The following MBNL1 variants were observed in gnomAD, a reference collection of about 807,000 sequenced individuals.
MBNL1 encodes muscleblind like splicing regulator 1.
MBNL1 carries 8 observed loss-of-function variants against 42.2 expected under a neutral mutation model. That is an observed-to-expected ratio of 0.19 (90% CI 0.11 to 0.34). The LOEUF (loss-of-function observed/expected upper bound fraction) is 0.34, where lower values mean the gene tolerates loss of function less well. Ranked by LOEUF, MBNL1 falls within the 10% of genes least tolerant of loss-of-function variation. MBNL1 has a pLI of 1.00. For missense variants in MBNL1, 309 were observed against 495.3 expected (o/e 0.62, Z 3.57); for synonymous variants, 169 against 173.9 (o/e 0.97, Z 0.22).
At chr3:152,446,471 T>A (rs2153837715) in intron 5 of MBNL1, among the ~76,000 whole-genome samples, 1 of 152,300 alleles carries the variant, frequency 6.6e-6, no homozygotes, top group Admixed American at 6.5e-5. Flanking sequence ...TGTAATTAAC[T>A]ACAAAGAGGA....
intron 3 of MBNL1, among the ~76,000 whole-genome samples, chr3:152,426,547 G>A (rs543480525): frequency 1.3e-5 from 2 of 152,304 alleles, no homozygotes; most frequent in African/African-American, 4.8e-5. Flanking sequence ...TCCCAGCCAA[G>A]TGTCCTTCAG....
intron 2 of MBNL1, among the ~76,000 whole-genome samples, chr3:152,351,431 C>G (rs529643369): frequency 2.0e-5 from 3 of 152,192 alleles, no homozygotes; most frequent in African/African-American, 7.2e-5. Context: ...TTGTCTGCCT[C>G]TCATGTAGAA....
intron 2 of MBNL1, among the ~76,000 whole-genome samples, chr3:152,403,286 A>G (rs1176227180): frequency 6.6e-6 from 1 of 152,142 alleles, no homozygotes; most frequent in Non-Finnish European, 1.5e-5. Flanking sequence ...TAAGCACTTA[A>G]GAATATGCAC....
intron 3 of MBNL1, among the ~76,000 whole-genome samples, chr3:152,430,790 GA>G (rs2098996646): frequency 6.6e-6 from 1 of 152,290 alleles, no homozygotes; most frequent in East Asian, 1.9e-4. Context: ...ATAAGATTTG[GA>G]ATGCACAGAT....
intron 2 of MBNL1, among the ~76,000 whole-genome samples, chr3:152,401,669 C>CT (rs944434121): frequency 6.6e-6 from 1 of 152,148 alleles, no homozygotes; most frequent in African/African-American, 2.4e-5. Context: ...GATATGTGTT[C>CT]TTTCATTGCA....
At chr3:152,328,179 A>G (rs761407404) in intron 2 of MBNL1, among the ~76,000 whole-genome samples, 7 of 152,136 alleles carry the variant, frequency 4.6e-5, no homozygotes, top group Non-Finnish European at 1.0e-4. Flanking sequence ...GTAATTTTGG[A>G]TTTTAGAAAA....
rs183868495 is a variant in MBNL1, at chr3:152,302,961, G to A, written c.174+2594G>A. Among the ~76,000 whole-genome samples the A allele has an allele frequency of 6.0e-3, 905 of 151,640 alleles. 9 individuals are homozygous for A. The highest frequency in any genetic ancestry group is 0.011 in the Non-Finnish European group (719 of 67,940). The stretch of plus-strand genomic sequence containing the variant: ...GCTGTGCTGCTTCAGACTTTGGCCA[G>A]GCTCCCAGGTGACTTACGTTAATAG... On this transcript the variant is annotated intron_variant, in intron 2 of 9. Coordinates refer to ENST00000324210, the MANE Select transcript of MBNL1 (RefSeq NM_021038.5).
At chr3:152,325,853 G>A (rs1178254704) in intron 2 of MBNL1, among the ~76,000 whole-genome samples, 1 of 149,820 alleles carries the variant, frequency 6.7e-6, no homozygotes, top group Non-Finnish European at 1.5e-5. Flanking sequence ...AAAATTTATG[G>A]CAATTTTTAA....
chr3:152,367,751 G>A (rs2096473972), intron 2 of MBNL1, among the ~76,000 whole-genome samples: 1 of 152,212 alleles, frequency 6.6e-6, no homozygotes, highest in East Asian at 1.9e-4. Flanking sequence ...TCTCATTGTG[G>A]TTTTGATTTG....
chr3:152,383,563 A>C (rs1039199814), intron 2 of MBNL1, among the ~76,000 whole-genome samples: 3 of 152,070 alleles, frequency 2.0e-5, no homozygotes, highest in Non-Finnish European at 4.4e-5. Flanking sequence ...TAAAGGAGTC[A>C]TTGTAACAAA....
intron 1 of MBNL1, among the ~76,000 whole-genome samples, chr3:152,294,897 T>C (rs1275161376): frequency 6.6e-6 from 1 of 152,224 alleles, no homozygotes; most frequent in Non-Finnish European, 1.5e-5. Context: ...ATTTCTATTT[T>C]TTGAAATTCT....
At chr3:152,316,930 A>G (rs1357103347) in intron 2 of MBNL1, among the ~76,000 whole-genome samples, 1 of 152,106 alleles carries the variant, frequency 6.6e-6, no homozygotes, top group Non-Finnish European at 1.5e-5. Context: ...AAAAAGATTA[A>G]GAAGATAAAA....
chr3:152,324,612 T>G (rs533497434), intron 2 of MBNL1, among the ~76,000 whole-genome samples: 1 of 152,340 alleles, frequency 6.6e-6, no homozygotes, highest in South Asian at 2.1e-4. Flanking sequence ...CAGCACTCAC[T>G]GTTTATAGTG....
intron 3 of MBNL1, among the ~76,000 whole-genome samples, chr3:152,419,489 C>T (rs565752715): frequency 1.3e-4 from 20 of 152,194 alleles, no homozygotes; most frequent in African/African-American, 4.3e-4. Context: ...GAACTCCCTT[C>T]CCTAGCCAAG....
At chr3:152,361,516 C>T (rs142449330) in intron 2 of MBNL1, among the ~76,000 whole-genome samples, 68 of 150,926 alleles carry the variant, frequency 4.5e-4, no homozygotes, top group African/African-American at 1.3e-3. Context: ...AAACTGGTGG[C>T]GGTTTAATAC....
At position 152,293,990 on chromosome 3, in the gene MBNL1, G is replaced by A. The variant is rs545046799; in HGVS notation, c.-789-5415G>A. On this transcript the variant is annotated intron_variant, in intron 1 of 9. Transcript: ENST00000324210. ...ATATATGTAATTTTTAAGAATAATT[G>A]TTGAAAGAATAAGAATAATTTCATT... Among the ~76,000 whole-genome samples, 92 of 149,196 alleles carry A rather than the reference G, an allele frequency of 6.2e-4. No homozygotes were observed. The South Asian group carries it at 0.019, about 31-fold the overall frequency.
chr3:152,412,925 G>T (rs1164920854), intron 2 of MBNL1, among the ~76,000 whole-genome samples: 1 of 152,164 alleles, frequency 6.6e-6, no homozygotes, highest in Non-Finnish European at 1.5e-5. Flanking sequence ...TCCAGTTTTA[G>T]TAAGAACTAT....
intron 2 of MBNL1, among the ~76,000 whole-genome samples, chr3:152,363,930 G>A (rs796884901): frequency 1.3e-5 from 2 of 151,888 alleles, no homozygotes; most frequent in African/African-American, 4.8e-5. Flanking sequence ...CACATTCTAC[G>A]CTTTTTCATA....
In MBNL1 at chr3:152,325,291, A is replaced by T. The variant is rs2079085624; in HGVS notation, c.174+24924A>T. 3.9e-5 allele frequency among the ~76,000 whole-genome samples: 6 copies of T among 152,068 alleles called. No homozygotes were observed. In the South Asian group the frequency reaches 1.2e-3, roughly 32 times the overall value. On this transcript the variant is annotated intron_variant, in intron 2 of 9. Transcript: ENST00000324210. ...CCTCTTTGCTTATGTAGTTTGGAGTATGAATCATAATAATTATGTATCTTA... is the reference window on the plus strand; with the variant it reads ...CCTCTTTGCTTATGTAGTTTGGAGTTTGAATCATAATAATTATGTATCTTA...
Sources: allele counts gnomAD v4.1 joint callset (sites outside exome capture counted in the v4.1 genomes callset), GRCh38; gene constraint gnomAD v4.1.1; transcripts MANE v1.5; gene names NCBI Gene and HGNC (gene_info 2026-07-23, HGNC 2026-07-21).